The following WNK3 variants were observed in gnomAD, a reference collection of about 807,000 sequenced individuals.
WNK3 encodes the protein serine/threonine-protein kinase WNK3.
Under a neutral mutation model 116.7 loss-of-function variants are expected in WNK3, and 18 were observed. The observed-to-expected ratio is 0.15, with a 90% CI of 0.11 to 0.23. WNK3 has a LOEUF of 0.23. Ranked by LOEUF, WNK3 falls within the 10% of genes least tolerant of loss-of-function variation. WNK3 has a pLI of 1.00. For missense variants in WNK3, 993 were observed against 1,323.8 expected (o/e 0.75, Z 3.88); for synonymous variants, 404 against 469.4 (o/e 0.86, Z 1.80).
chrX:54,287,217 T>C (rs1226889279), intron 10 of WNK3, among the ~76,000 whole-genome samples: 1 of 111,848 alleles, frequency 8.9e-6, no homozygotes, highest in Non-Finnish European at 1.9e-5. Context: ...CACTCAATAG[T>C]ATTATCTCAC....
intron 22 of WNK3, among the ~76,000 whole-genome samples, chrX:54,212,768 G>A (rs1259367927): frequency 3.6e-5 from 4 of 111,629 alleles, no homozygotes; most frequent in East Asian, 2.8e-4. Context: ...TAGATAAGTC[G>A]ATAAGGGCAG....
At chrX:54,213,985 A>T (rs965178573) in intron 22 of WNK3, among the ~76,000 whole-genome samples, 3 of 109,770 alleles carry the variant, frequency 2.7e-5, no homozygotes, top group African/African-American at 6.6e-5. Context: ...TGAAAAAAAA[A>T]TTTTTTTTTG....
chrX:54,224,188 A>T (rs1262056733), intron 22 of WNK3: 1 of 111,536 alleles, frequency 9.0e-6, no homozygotes, highest in Non-Finnish European at 1.9e-5. Context: ...CCCCATCTCT[A>T]CTAGAAATAC....
chrX:54,310,768 C>A (rs1472144548), intron 3 of WNK3, among the ~76,000 whole-genome samples: 3 of 109,142 alleles, frequency 2.7e-5, no homozygotes, highest in Non-Finnish European at 5.7e-5. Context: ...CTGGCTTTGT[C>A]AACCAGGCTG....
At chrX:54,358,839 T>C (rs868918314), upstream of WNK3, among the ~76,000 whole-genome samples, 1 of 113,115 alleles carries the variant, frequency 8.8e-6, no homozygotes, top group African/African-American at 3.2e-5. Context: ...CCCTCAGTTT[T>C]ACTTAGGCCT....
intron 2 of WNK3, among the ~76,000 whole-genome samples, chrX:54,327,516 T>C (rs1339683866): frequency 9.0e-6 from 1 of 111,535 alleles, no homozygotes; most frequent in Non-Finnish European, 1.9e-5. Context: ...AACCTATTGT[T>C]GAGCTATAAA....
chrX:54,347,718 A>T (rs1300966388), intron 1 of WNK3, among the ~76,000 whole-genome samples: 1 of 107,129 alleles, frequency 9.3e-6, no homozygotes, highest in Non-Finnish European at 1.9e-5. Context: ...ACACATATAT[A>T]TATATAAAAC....
At chrX:54,249,743 G>T in intron 16 of WNK3, 109 bp from the exon 17 acceptor site, 1 of 786,706 alleles carries the variant, frequency 1.3e-6, no homozygotes. Context: ...GAGAACCTGT[G>T]TGAAAGTACT....
intron 22 of WNK3, among the ~76,000 whole-genome samples, chrX:54,214,794 C>A (rs901089971): frequency 3.6e-5 from 4 of 111,190 alleles, no homozygotes; most frequent in African/African-American, 1.3e-4. Context: ...GGGCGGATCA[C>A]GAGGTCAGGA....
chrX:54,302,930 A>AT (rs782315389), intron 5 of WNK3, among the ~76,000 whole-genome samples: 1,709 of 81,706 alleles, frequency 0.021, 109 homozygotes, highest in African/African-American at 0.067. Flanking sequence ...AACTCGGCTA[A>AT]TTTTTTTTTT....
Position 54,331,347 on chromosome X carries a change from T to C in WNK3, c.537+1790A>G, listed in dbSNP as rs1052254120. Among the ~76,000 whole-genome samples the C allele has an allele frequency of 7.3e-5, 8 of 109,791 alleles. No individual in the cohort carries two copies. The East Asian group carries it at 2.2e-3, about 31-fold the overall frequency. ...TCAAGATAAGTGAAAATAAAGATTA[T>C]AAAATTTTATAGAAAGATATATGTG... is the stretch of plus-strand genomic sequence containing the variant. On this transcript the variant is annotated intron_variant, in intron 2 of 23. Coordinates refer to ENST00000354646, the Ensembl canonical transcript of WNK3.
chrX:54,249,961 T>C (rs1311925054), intron 16 of WNK3, 33 bp downstream of exon 16: 8 of 1,178,939 alleles, frequency 6.8e-6, no homozygotes, highest in Non-Finnish European at 9.1e-6. Context: ...ATCCTTTGAG[T>C]CTGGACAAAG....
chrX:54,251,240 G>A (rs1227033246), intron 15 of WNK3, among the ~76,000 whole-genome samples, 159 bp downstream of exon 15: 1 of 111,515 alleles, frequency 9.0e-6, no homozygotes, highest in Non-Finnish European at 1.9e-5. Context: ...GTCAGGGGAT[G>A]GATTATTACC....
exon 24 of WNK3, chrX:54,193,150 T>G (rs1247809860): frequency 4.5e-5 from 5 of 112,147 alleles, no homozygotes; most frequent in Non-Finnish European, 7.5e-5. Context: ...GAGGGTGAAA[T>G]TCTGCATACT....
Position 54,309,326 on chromosome X carries a change from A to G in WNK3, c.711-11T>C. ...AATCGTTTTAAGTACCTATACAAAGAAACAAAAGACCATGTGTAAACAAAC... is the reference window on the plus strand; with the variant it reads ...AATCGTTTTAAGTACCTATACAAAGGAACAAAAGACCATGTGTAAACAAAC... On this transcript the variant is annotated splice_polypyrimidine_tract_variant and intron_variant, in intron 3 of 23. Transcript: ENST00000354646. 8.6e-7 allele frequency: 1 copy of G among 1,160,332 alleles called. No individual in the cohort carries two copies. Among genetic ancestry groups the G allele is most frequent in the South Asian group, 1.8e-5 (1 of 55,004 alleles).
At chrX:54,284,064 T>C (rs1557163382) in intron 10 of WNK3, among the ~76,000 whole-genome samples, 2 of 110,859 alleles carry the variant, frequency 1.8e-5, no homozygotes, top group Non-Finnish European at 3.8e-5. Context: ...TTCATCAAAA[T>C]TAAATACTTT....
At chrX:54,193,589 A>G (rs2067418907) in exon 24 of WNK3, 1 of 110,932 alleles carries the variant, frequency 9.0e-6, no homozygotes, top group Non-Finnish European at 1.9e-5. Context: ...TTAGTTGAAA[A>G]TAACTTTAGT....
At chrX:54,358,399 G>A (rs782574012), upstream of WNK3, 1 of 110,841 alleles carries the variant, frequency 9.0e-6, no homozygotes, top group African/African-American at 3.3e-5. Context: ...CTACTTCCTA[G>A]CCCCCCACTG....
chrX:54,255,767 C>A (rs782441639), exon 12 of WNK3: 10 of 1,205,066 alleles, frequency 8.3e-6, no homozygotes, highest in African/African-American at 3.5e-5. Context: ...GAAATTTAGT[C>A]CCCTTCTCTG....
Sources: gnomAD v4.1 joint callset for allele counts (sites outside exome capture counted in the v4.1 genomes callset) on GRCh38, gnomAD v4.1.1 for gene constraint, MANE v1.5 for transcripts, NCBI Gene and HGNC (gene_info 2026-07-23, HGNC 2026-07-21) for gene names.